The following BTRC variants were observed in gnomAD, a reference collection of about 807,000 sequenced individuals.
BTRC encodes F-box/WD repeat-containing protein 1A.
BTRC carries 42 observed loss-of-function variants against 85.5 expected under a neutral mutation model. That is an observed-to-expected ratio of 0.49 (90% CI 0.38 to 0.64). BTRC has a LOEUF of 0.64. Ranked by LOEUF, BTRC falls within the 30% of genes least tolerant of loss-of-function variation. The pLI, the probability that BTRC is intolerant of heterozygous loss-of-function variation, is 0.00. For missense variants in BTRC, 594 were observed against 743.5 expected (o/e 0.80, Z 2.34); for synonymous variants, 255 against 263.3 (o/e 0.97, Z 0.30).
intron 3 of BTRC, among the ~76,000 whole-genome samples, chr10:101,464,691 C>T (rs1204674118): frequency 6.6e-6 from 1 of 152,120 alleles, no homozygotes; most frequent in African/African-American, 2.4e-5. Context: ...AGAGCATGAA[C>T]TCAATGTTCT....
At chr10:101,530,958 A>T (rs1210329274) in intron 6 of BTRC, among the ~76,000 whole-genome samples, 3 of 152,168 alleles carry the variant, frequency 2.0e-5, no homozygotes, top group Non-Finnish European at 2.9e-5. Flanking sequence ...GGGTCATTTG[A>T]GGCCAGGAGT....
At chr10:101,416,347 T>A (rs1399728922) in intron 1 of BTRC, among the ~76,000 whole-genome samples, 3 of 152,232 alleles carry the variant, frequency 2.0e-5, no homozygotes, top group African/African-American at 7.2e-5. Context: ...ATCCCTTTGC[T>A]TTGAATGCTT....
At chr10:101,387,629 C>G (rs1004822173) in intron 1 of BTRC, among the ~76,000 whole-genome samples, 1 of 147,626 alleles carries the variant, frequency 6.8e-6, no homozygotes, top group Non-Finnish European at 1.5e-5. Context: ...TGGGTTCAAG[C>G]GATTCTCCTG....
intron 1 of BTRC, among the ~76,000 whole-genome samples, chr10:101,387,527 A>ATTTTTTTTTTTT (rs1564741908): frequency 3.5e-4 from 6 of 17,006 alleles, no homozygotes; most frequent in Admixed American, 1.8e-3. Flanking sequence ...CCTTCATGGG[A>ATTTTTTTTTTTT]CTTTTTTTTT....
At chr10:101,465,810 G>A (rs1945357715) in intron 3 of BTRC, among the ~76,000 whole-genome samples, 1 of 152,180 alleles carries the variant, frequency 6.6e-6, no homozygotes, top group Non-Finnish European at 1.5e-5. Flanking sequence ...TCCAGCATCT[G>A]AAGATGGAAG....
intron 2 of BTRC, among the ~76,000 whole-genome samples, chr10:101,443,143 A>G (rs572749636): frequency 8.5e-5 from 13 of 152,128 alleles, no homozygotes; most frequent in Admixed American, 2.0e-4. Flanking sequence ...CGGCCTCCCA[A>G]AGTGCTGGGA....
intron 1 of BTRC, among the ~76,000 whole-genome samples, chr10:101,406,219 C>G (rs371993968): frequency 1.3e-5 from 2 of 151,682 alleles, no homozygotes; most frequent in South Asian, 2.1e-4. Flanking sequence ...CTCTGTCTCC[C>G]AGGCTGGAGT....
rs529738294 is a variant in BTRC, at chr10:101,385,168, A to G, written c.48+30940A>G. ...GGCTATGATTCCTCCGCTGCATTCC[A>G]GCCTGGGACACAGAGTGAGATCCTG... is the stretch of plus-strand genomic sequence containing the variant. On this transcript the variant is annotated intron_variant, in intron 1 of 14. Transcript: ENST00000370187. 9.2e-5 allele frequency among the ~76,000 whole-genome samples: 14 copies of G among 151,848 alleles called. No individual in the cohort carries two copies. The South Asian group carries it at 2.5e-3, about 27-fold the overall frequency.
intron 1 of BTRC, among the ~76,000 whole-genome samples, chr10:101,426,887 A>C (rs998416377): frequency 6.6e-6 from 1 of 152,168 alleles, no homozygotes; most frequent in Admixed American, 6.5e-5. Context: ...GAAGGGAAGC[A>C]GGAGAAGCGA....
chr10:101,401,642 C>T (rs962490120), intron 1 of BTRC, among the ~76,000 whole-genome samples: 1 of 151,764 alleles, frequency 6.6e-6, no homozygotes. Context: ...TATGCTGATA[C>T]AAATGAAAGA....
intron 2 of BTRC, among the ~76,000 whole-genome samples, chr10:101,439,225 A>AACACACACAC (rs1352787090): frequency 6.6e-6 from 1 of 152,204 alleles, no homozygotes; most frequent in Non-Finnish European, 1.5e-5. Flanking sequence ...CTGAGATGGA[A>AACACACACAC]ACACAAATTG....
intron 11 of BTRC, among the ~76,000 whole-genome samples, chr10:101,535,920 A>G (rs2062378410): frequency 6.6e-6 from 1 of 152,226 alleles, no homozygotes. Flanking sequence ...TGGAAGATTT[A>G]TCCATCCTCT....
intron 1 of BTRC, among the ~76,000 whole-genome samples, chr10:101,427,227 C>G (rs1459677939): frequency 6.7e-6 from 1 of 149,418 alleles, no homozygotes; most frequent in Non-Finnish European, 1.5e-5. Flanking sequence ...AAGCGATTCT[C>G]CTGCCTCAGC....
chr10:101,420,983 C>T (rs959408482), intron 1 of BTRC, among the ~76,000 whole-genome samples: 1 of 149,558 alleles, frequency 6.7e-6, no homozygotes, highest in African/African-American at 2.5e-5. Flanking sequence ...ATTTTCATGC[C>T]ATATTTTTCT....
intron 4 of BTRC, among the ~76,000 whole-genome samples, chr10:101,509,826 T>C (rs1194918661): frequency 6.7e-6 from 1 of 149,580 alleles, no homozygotes. Flanking sequence ...CGTCCCAAAA[T>C]TCTGGGATTA....
chr10:101,521,922 CT>C, intron 5 of BTRC, 52 bp downstream of exon 5: 1 of 1,309,548 alleles, frequency 7.6e-7, no homozygotes, highest in Non-Finnish European at 1.1e-6. Flanking sequence ...GATAAGAGAA[CT>C]AGATCTCCAG....
In BTRC at chr10:101,369,888, A is replaced by G. The variant is rs191590782; in HGVS notation, c.48+15660A>G. Among the ~76,000 whole-genome samples the G allele has an allele frequency of 1.7e-3, 256 of 152,202 alleles. 1 individual carries two copies. The highest frequency in any genetic ancestry group is 6.9e-3 in the Admixed American group (106 of 15,292). ...TTTCTTAGTCAATCAGCCCCTTTCT[A>G]TGTGACCACTCTCATGTTGCTGCTG... On this transcript the variant is annotated intron_variant, in intron 1 of 14. Transcript: ENST00000370187.
At chr10:101,381,671 G>C (rs1564738592) in intron 1 of BTRC, among the ~76,000 whole-genome samples, 1 of 152,080 alleles carries the variant, frequency 6.6e-6, no homozygotes, top group Non-Finnish European at 1.5e-5. Context: ...CAACTCCTCA[G>C]AAAAATTATG....
At chr10:101,460,025 A>T (rs1945183264) in intron 2 of BTRC, among the ~76,000 whole-genome samples, 1 of 152,216 alleles carries the variant, frequency 6.6e-6, no homozygotes, top group African/African-American at 2.4e-5. Context: ...TTCAAAAAAC[A>T]TAATTAATTT....
Sources: allele counts gnomAD v4.1 joint callset (sites outside exome capture counted in the v4.1 genomes callset), GRCh38; gene constraint gnomAD v4.1.1; transcripts MANE v1.5; gene names NCBI Gene and HGNC (gene_info 2026-07-23, HGNC 2026-07-21).